Variants in SYNPR observed in about 807,000 individuals in gnomAD.
SYNPR encodes synaptoporin.
In SYNPR, 23 loss-of-function variants were observed where a neutral mutation model predicts 32.9. That is an observed-to-expected ratio of 0.70 (90% CI 0.50 to 0.99). SYNPR has a LOEUF of 0.99. Among genes scored for constraint, SYNPR ranks in the 50% least tolerant of loss-of-function variants. The pLI, the probability that SYNPR is intolerant of heterozygous loss-of-function variation, is 0.00. For missense variants in SYNPR, 318 were observed against 349.3 expected (o/e 0.91, Z 0.71); for synonymous variants, 146 against 135.9 (o/e 1.07, Z -0.52).
chr3:63,476,152 AGGGAGGG>A (rs1559510437), intron 2 of SYNPR, among the ~76,000 whole-genome samples: 44 of 22,926 alleles, frequency 1.9e-3, no homozygotes, highest in African/African-American at 4.3e-3. Context: ...GAAGGAAGGG[AGGGAGGG>A]AGGGAGGGAG....
chr3:63,445,351 A>G (rs1700255996), intron 2 of SYNPR, among the ~76,000 whole-genome samples: 1 of 152,208 alleles, frequency 6.6e-6, no homozygotes, highest in Non-Finnish European at 1.5e-5. Context: ...TGTATCTTTA[A>G]AAGGTCGGGA....
chr3:63,588,036 C>T (rs1703222347), intron 4 of SYNPR, among the ~76,000 whole-genome samples: 1 of 151,918 alleles, frequency 6.6e-6, no homozygotes, highest in Non-Finnish European at 1.5e-5. Context: ...TTAAAAATTA[C>T]TTTGAATTGT....
intron 2 of SYNPR, among the ~76,000 whole-genome samples, chr3:63,328,569 T>C (rs905967042): frequency 6.6e-5 from 10 of 152,152 alleles, no homozygotes; most frequent in Non-Finnish European, 4.4e-5. Flanking sequence ...AAAAGCAAAA[T>C]TGCTGGTGAC....
chr3:63,434,194 G>A (rs1700040525), intron 2 of SYNPR, among the ~76,000 whole-genome samples: 1 of 152,140 alleles, frequency 6.6e-6, no homozygotes, highest in Non-Finnish European at 1.5e-5. Context: ...GGGTTCTGGA[G>A]GCATAGTGGT....
chr3:63,434,249 A>G (rs933050746), intron 2 of SYNPR, among the ~76,000 whole-genome samples: 2 of 152,170 alleles, frequency 1.3e-5, no homozygotes, highest in African/African-American at 4.8e-5. Context: ...GGAAAGAAAA[A>G]CCAGAAAGCC....
At chr3:63,488,697 GTTA>G (rs1215849300) in intron 3 of SYNPR, among the ~76,000 whole-genome samples, 1 of 152,176 alleles carries the variant, frequency 6.6e-6, no homozygotes, top group East Asian at 1.9e-4. Flanking sequence ...TGTTGTTGTT[GTTA>G]TTATTAAGGA....
chr3:63,272,168 A>C (rs2086542809), intron 3 of SYNPR, among the ~76,000 whole-genome samples: 2 of 152,206 alleles, frequency 1.3e-5, no homozygotes, highest in Non-Finnish European at 2.9e-5. Flanking sequence ...ACATTAACTC[A>C]TCTGCTGCCA....
intron 3 of SYNPR, among the ~76,000 whole-genome samples, chr3:63,519,162 C>T (rs1701858064): frequency 6.6e-6 from 1 of 152,106 alleles, no homozygotes; most frequent in South Asian, 2.1e-4. Context: ...ATTCGGCCTG[C>T]TAGTATTTGT....
At chr3:63,413,650 G>A (rs1229016276) in intron 2 of SYNPR, among the ~76,000 whole-genome samples, 1 of 152,132 alleles carries the variant, frequency 6.6e-6, no homozygotes, top group African/African-American at 2.4e-5. Flanking sequence ...ACTTTAAATA[G>A]CAACACTCTG....
chr3:63,248,520 TC>T (rs746756498), intron 1 of SYNPR, among the ~76,000 whole-genome samples: 17 of 152,020 alleles, frequency 1.1e-4, no homozygotes, highest in Non-Finnish European at 1.6e-4. Context: ...GAGTGAGAAA[TC>T]AGATATTTTA....
chr3:63,471,016 C>A (rs187944863), intron 2 of SYNPR, among the ~76,000 whole-genome samples: 4 of 152,326 alleles, frequency 2.6e-5, no homozygotes, highest in Non-Finnish European at 5.9e-5. Flanking sequence ...ACAGAAACTT[C>A]TTTTGCCATG....
intron 3 of SYNPR, among the ~76,000 whole-genome samples, chr3:63,553,843 T>C (rs1329203644): frequency 6.6e-6 from 1 of 152,214 alleles, no homozygotes; most frequent in African/African-American, 2.4e-5. Context: ...TGCCTCAGCC[T>C]CCCGAGTAGC....
intron 2 of SYNPR, among the ~76,000 whole-genome samples, chr3:63,376,718 T>C (rs1287390677): frequency 1.3e-5 from 2 of 152,202 alleles, no homozygotes; most frequent in Non-Finnish European, 2.9e-5. Flanking sequence ...GTTAAGGTGC[T>C]AATTTATTAG....
At chr3:63,462,298 A>G (rs1700598361) in intron 2 of SYNPR, among the ~76,000 whole-genome samples, 2 of 152,158 alleles carry the variant, frequency 1.3e-5, no homozygotes, top group Admixed American at 1.3e-4. Flanking sequence ...AATTTCCTTT[A>G]TCACAATTTT....
chr3:63,611,873 A>G (rs1344604821), intron 5 of SYNPR, among the ~76,000 whole-genome samples: 1 of 152,140 alleles, frequency 6.6e-6, no homozygotes, highest in East Asian at 1.9e-4. Context: ...AGTTATGAAT[A>G]GAGGGTTTGG....
chr3:63,480,782 G>A (rs901524450), intron 2 of SYNPR, 50 bp from the exon 3 acceptor site: 2 of 1,599,844 alleles, frequency 1.3e-6, no homozygotes, highest in African/African-American at 2.7e-5. Flanking sequence ...TCTCATTAGA[G>A]CAACATCATC....
chr3:63,203,957 C>T, the SYNPR span, among the ~76,000 whole-genome samples: 1 of 152,124 alleles, frequency 6.6e-6, no homozygotes, highest in Non-Finnish European at 1.5e-5. Flanking sequence ...CAAGATGGCG[C>T]CATGGCATTC....
chr3:63,601,965 C>T (rs1700051497), intron 4 of SYNPR, among the ~76,000 whole-genome samples: 1 of 152,146 alleles, frequency 6.6e-6, no homozygotes. Flanking sequence ...TATTAGCATT[C>T]CTTTTTCTCT....
Position 63,251,684 on chromosome 3 carries a change from TC to T in SYNPR, n.67-812del, listed in dbSNP as rs762051611. Among the ~76,000 whole-genome samples the T allele has an allele frequency of 9.1e-4, 138 of 151,976 alleles. 1 individual carries two copies. The highest frequency in any genetic ancestry group is 6.8e-3 in the Middle Eastern group (2 of 294). On this transcript the variant is annotated intron_variant and non_coding_transcript_variant, in intron 1 of 4. Coordinates refer to the SYNPR transcript ENST00000478456. ...AGGTTCTGACAGGACTGAAATGCGA[TC>T]CCGGGATGATCAGCAAAGATCTACG...
Sources: allele counts gnomAD v4.1 joint callset (sites outside exome capture counted in the v4.1 genomes callset), GRCh38; gene constraint gnomAD v4.1.1; transcripts MANE v1.5; gene names NCBI Gene and HGNC (gene_info 2026-07-23, HGNC 2026-07-21).